The following CDON variants were observed in gnomAD, a reference collection of about 807,000 sequenced individuals.
CDON encodes cell adhesion molecule-related/down-regulated by oncogenes.
CDON carries 73 observed loss-of-function variants against 120.9 expected under a neutral mutation model. The observed-to-expected ratio is 0.60, with a 90% CI of 0.50 to 0.73. The LOEUF (loss-of-function observed/expected upper bound fraction) is 0.73, where lower values mean the gene tolerates loss of function less well. CDON is among the 30% of genes least tolerant of loss of function. CDON has a pLI of 0.00. For synonymous variants in CDON, 566 were observed against 573.5 expected (o/e 0.99, Z 0.19); for missense variants, 1,470 against 1,587.3 (o/e 0.93, Z 1.26).
chr11:125,973,463 GGAGGTTGCAGT>G (rs1299704383), intron 18 of CDON, among the ~76,000 whole-genome samples: 14 of 152,106 alleles, frequency 9.2e-5, no homozygotes, highest in African/African-American at 3.4e-4. Context: ...CCCGGGAGGT[GGAGGTTGCAGT>G]GAGCCAAGAT....
In CDON at chr11:126,004,073, C is replaced by G. The variant is rs141081456; in HGVS notation, c.1855G>C (p.Asp619His). Reference sequence around the variant, plus strand: ...CTTCCCAGCATGCCAACCCCATCATCCAGCTGCCCAAGAGAAAACACACCA... The same window carrying G: ...CTTCCCAGCATGCCAACCCCATCATGCAGCTGCCCAAGAGAAAACACACCA... Reference protein sequence around the residue: ...NAYFVKYRKLDDGVGMLGSWH... With the variant: ...NAYFVKYRKLHDGVGMLGSWH... The change falls in exon 10 of 20, where the codon GAT (aspartate) becomes CAT (histidine). Residue 619 changes from aspartate to histidine, a missense_variant. Coordinates refer to ENST00000531738, the MANE Select transcript of CDON (RefSeq NM_001378964.1). The G allele has an allele frequency of 4.7e-4, 756 of 1,613,858 alleles. 2 individuals are homozygous for G. The highest frequency in any genetic ancestry group is 1.5e-3 in the Middle Eastern group (9 of 6,058).
chr11:125,962,693 A>C (rs1945678005), intron 18 of CDON, among the ~76,000 whole-genome samples: 2 of 151,970 alleles, frequency 1.3e-5, no homozygotes, highest in African/African-American at 4.8e-5. Context: ...CTACTGATCT[A>C]TCTTCTTGTC....
chr11:125,981,445 G>A (rs550656263), intron 16 of CDON, 116 bp from the exon 17 acceptor site: 1 of 1,071,186 alleles, frequency 9.3e-7, no homozygotes, highest in Non-Finnish European at 1.4e-6. Context: ...CACGCACACA[G>A]TAAGACACTA....
chr11:126,038,422 C>A (rs2134811067), intron 1 of CDON, among the ~76,000 whole-genome samples: 1 of 152,186 alleles, frequency 6.6e-6, no homozygotes, highest in East Asian at 1.9e-4. Flanking sequence ...GGGGCCGAGG[C>A]AGGAGGATCA....
At chr11:125,965,156 C>A (rs112516687) in intron 18 of CDON, among the ~76,000 whole-genome samples, 36,379 of 152,114 alleles carry the variant, frequency 0.24, 5,207 homozygotes, top group South Asian at 0.31. Context: ...GTCTCAAACT[C>A]CTGAGTTCAG....
chr11:126,015,422 T>TG lies in CDON; in HGVS notation c.1016dup (p.Ala340SerfsTer45), dbSNP rs754372024. The stretch of plus-strand genomic sequence containing the variant: ...TGTGAAACCAGGTACAGTTGGGGGC[T>TG]GGGTTCCCATGAACGTCGCAGGTAA... On this transcript the variant is annotated frameshift_variant, in exon 7 of 20. Coordinates refer to ENST00000531738, the MANE Select transcript of CDON (RefSeq NM_001378964.1). LOFTEE classifies it high-confidence loss of function. The TG allele has an allele frequency of 6.2e-7, 1 of 1,614,164 alleles. No homozygotes were observed. The highest frequency in any genetic ancestry group is 8.5e-7 in the Non-Finnish European group (1 of 1,180,014).
At chr11:126,043,369 G>A (rs1034621262) in intron 1 of CDON, among the ~76,000 whole-genome samples, 2 of 152,048 alleles carry the variant, frequency 1.3e-5, no homozygotes, top group South Asian at 4.2e-4. Flanking sequence ...TTGAGCCGCT[G>A]CTTGGCCCAC....
At chr11:125,974,601 A>G (rs1339010040) in intron 18 of CDON, among the ~76,000 whole-genome samples, 5 of 152,156 alleles carry the variant, frequency 3.3e-5, no homozygotes, top group African/African-American at 1.2e-4. Context: ...AAATGCATCA[A>G]ATAATTAAAT....
In CDON at chr11:125,956,832, C is replaced by G. The variant is rs1326996425; in HGVS notation, c.*4110G>C. 4 of 987,316 alleles carry G rather than the reference C, an allele frequency of 4.1e-6. No homozygotes were observed. The highest frequency in any genetic ancestry group is 3.6e-6 in the Non-Finnish European group (3 of 831,302). The allele number at this position is 987,316 out of a possible 1,614,324, so 61.2% of individuals were successfully genotyped here. On this transcript the variant is annotated 3_prime_UTR_variant, in exon 20 of 20. Coordinates refer to ENST00000531738, the MANE Select transcript of CDON (RefSeq NM_001378964.1). The stretch of plus-strand genomic sequence containing the variant: ...GCTTAAGAAGATTCTGTGGTTCTCA[C>G]AGAGTTAGACTTTATTAGATAAGGG...
At chr11:126,013,393 A>T (rs1277263559) in intron 7 of CDON, among the ~76,000 whole-genome samples, 1 of 152,138 alleles carries the variant, frequency 6.6e-6, no homozygotes, top group Non-Finnish European at 1.5e-5. Context: ...GAAATGGTCT[A>T]TCACTTCGAA....
chr11:126,053,544 TAC>T (rs1366575072), intron 1 of CDON, among the ~76,000 whole-genome samples: 2 of 152,220 alleles, frequency 1.3e-5, no homozygotes, highest in Admixed American at 6.5e-5. Flanking sequence ...CTGGTGTTTT[TAC>T]ACAGAGGGAT....
intron 1 of CDON, among the ~76,000 whole-genome samples, chr11:126,058,085 G>A (rs1453863642): frequency 6.6e-6 from 1 of 152,192 alleles, no homozygotes; most frequent in East Asian, 1.9e-4. Flanking sequence ...CTATGTCAGC[G>A]TCCAAATTCT....
At chr11:125,997,447 G>C in intron 11 of CDON, 37 bp from the exon 12 acceptor site, 2 of 1,418,014 alleles carry the variant, frequency 1.4e-6, no homozygotes, top group Non-Finnish European at 2.0e-6. Flanking sequence ...AACCCACCAT[G>C]TCAGAGACAA....
chr11:125,967,872 C>T (rs1945848741), intron 18 of CDON, among the ~76,000 whole-genome samples: 1 of 152,114 alleles, frequency 6.6e-6, no homozygotes, highest in Non-Finnish European at 1.5e-5. Flanking sequence ...GCACGTGCTA[C>T]CATTCCTGAA....
intron 7 of CDON, 56 bp downstream of exon 7, chr11:126,015,185 C>T (rs753964418): frequency 6.6e-6 from 10 of 1,518,304 alleles, no homozygotes; most frequent in African/African-American, 1.4e-5. Flanking sequence ...TTGACCACAA[C>T]AAAAGCCCAT....
At chr11:125,978,536 T>C (rs1381352069) in intron 17 of CDON, among the ~76,000 whole-genome samples, 153 bp from the exon 18 acceptor site, 2 of 152,238 alleles carry the variant, frequency 1.3e-5, no homozygotes, top group African/African-American at 4.8e-5. Context: ...AGCAACGTCA[T>C]TGTGAATATC....
intron 1 of CDON, among the ~76,000 whole-genome samples, chr11:126,025,590 A>C (rs151082068): frequency 1.3e-5 from 2 of 152,268 alleles, no homozygotes; most frequent in Non-Finnish European, 2.9e-5. Context: ...GGTAAAACTA[A>C]AAAAGTTTCA....
chr11:125,998,164 G>A (rs548738748), intron 11 of CDON, among the ~76,000 whole-genome samples: 15 of 152,322 alleles, frequency 9.8e-5, no homozygotes, highest in Non-Finnish European at 2.1e-4. Flanking sequence ...AGACTCTGCA[G>A]GAGGTGAAAA....
chr11:126,005,344 G>A, intron 9 of CDON: 2 of 191,922 alleles, frequency 1.0e-5, no homozygotes, highest in Non-Finnish European at 1.1e-5. Flanking sequence ...AAAAAAACTT[G>A]AAATGCAAAC....
Sources: allele counts gnomAD v4.1 joint callset (sites outside exome capture counted in the v4.1 genomes callset), GRCh38; gene constraint gnomAD v4.1.1; transcripts MANE v1.5; gene names NCBI Gene and HGNC (gene_info 2026-07-23, HGNC 2026-07-21).